The following NOTUM variants were observed in gnomAD, a reference collection of about 807,000 sequenced individuals.
NOTUM encodes palmitoleoyl-protein carboxylesterase NOTUM.
A neutral mutation model predicts 65.5 loss-of-function variants in NOTUM; 36 were observed. That is an observed-to-expected ratio of 0.55 (90% CI 0.42 to 0.73). The LOEUF (loss-of-function observed/expected upper bound fraction) is 0.73. Ranked by LOEUF, NOTUM falls within the 30% of genes least tolerant of loss-of-function variation. The pLI, the probability that NOTUM is intolerant of heterozygous loss-of-function variation, is 0.00. For missense variants in NOTUM, 659 were observed against 694.2 expected, an observed-to-expected ratio of 0.95 and a Z score of 0.57; for synonymous variants, 356 against 297.9, an observed-to-expected ratio of 1.20 and a Z score of -2.01.
intron 6 of NOTUM, among the ~76,000 whole-genome samples, chr17:81,957,601 C>T (rs911538837): frequency 2.0e-5 from 3 of 152,142 alleles, no homozygotes; most frequent in Admixed American, 1.3e-4. Flanking sequence ...GTCTGGTTAC[C>T]CAGCACTCTG....
chr17:81,957,849 T>C lies in NOTUM; in HGVS notation c.652A>G (p.Arg218Gly). ...IQEVVRELLG[R>G]GLSGAKVLLL... ...AGCACCTTGGCCCCGCTCAGCCCTC[T>C]GCCCAGAAGCTCCCGCACCACCTCC... The change falls in exon 6 of 11, where the codon AGA (arginine) becomes GGA (glycine). Residue 218 changes from arginine (R) to glycine (G), a missense_variant. Transcript: ENST00000409678. The C allele has an allele frequency of 1.2e-6, 2 of 1,609,484 alleles. No individual in the cohort carries two copies. The highest frequency in any genetic ancestry group is 2.2e-5 in the East Asian group (1 of 44,698).
At chr17:81,956,448 C>T (rs571148314) in intron 8 of NOTUM, among the ~76,000 whole-genome samples, 4 of 150,012 alleles carry the variant, frequency 2.7e-5, no homozygotes, top group Non-Finnish European at 3.0e-5. Flanking sequence ...GGCACACAGC[C>T]GGCCTCCTCC....
In NOTUM at chr17:81,952,919, G is replaced by C. The variant is rs200729493; in HGVS notation, c.*42C>G. The C allele has an allele frequency of 3.1e-5, 49 of 1,569,220 alleles. No individual in the cohort carries two copies. The African/African-American group carries it at 5.8e-4, about 19-fold the overall frequency. Reference sequence around the variant, plus strand: ...GTGAGGTGGCACTGGGGCAGCGGGTGTCTGGGCCCCTCAGTGCCGGCTCCT... The same window carrying C: ...GTGAGGTGGCACTGGGGCAGCGGGTCTCTGGGCCCCTCAGTGCCGGCTCCT... On this transcript the variant is annotated 3_prime_UTR_variant, in exon 11 of 11. Coordinates refer to ENST00000409678, the MANE Select transcript of NOTUM (RefSeq NM_178493.6).
chr17:81,954,909 G>A (rs937502357), intron 9 of NOTUM, among the ~76,000 whole-genome samples: 3 of 151,806 alleles, frequency 2.0e-5, no homozygotes, highest in African/African-American at 7.3e-5. Context: ...GAGCCAGTGT[G>A]CCAGGCCCAA....
chr17:81,953,035 C>T lies in NOTUM; in HGVS notation c.1417G>A (p.Asp473Asn), dbSNP rs113007375. Residue 473 changes from aspartate (D) to asparagine (N), a missense_variant, in exon 11 of 11, where the codon GAC becomes AAC. Transcript: ENST00000409678. ...TGCGGCTGGGCCACCGTCTGCATGT[C>T]GAAGCCCATGTGCATGAGGAACTGG... ...VAQFLMHMGF[D>N]MQTVAQPQGL... 1,055 of 1,614,040 alleles carry T rather than the reference C, an allele frequency of 6.5e-4. 9 individuals carry two copies. In the African/African-American group the frequency reaches 0.011, roughly 18 times the overall value.
intron 3 of NOTUM, 32 bp from the exon 4 acceptor site, chr17:81,959,027 C>G: frequency 1.9e-6 from 3 of 1,595,872 alleles, no homozygotes; most frequent in Non-Finnish European, 2.6e-6. Context: ...GTCTTTCTAG[C>G]GGGAGGAGGC....
chr17:81,955,447 C>T lies in NOTUM; in HGVS notation c.1086G>A (p.Leu362=). 1.2e-6 allele frequency: 2 copies of T among 1,602,452 alleles called. No individual in the cohort carries two copies. Among genetic ancestry groups the T allele is most frequent in the Non-Finnish European group, 1.7e-6 (2 of 1,175,448 alleles). ...TGQPVQEGLR[L]YIQNLGRELR... ...GCTCGCGGCCGAGGTTCTGGATGTA[C>T]AGCCGCAGGCCCTCCTGCACCGGCT... The change falls in exon 9 of 11, where the codon CTG becomes CTA. Residue 362 remains leucine, a synonymous_variant. Transcript: ENST00000409678.
chr17:81,957,785 G>A, intron 6 of NOTUM, 21 bp downstream of exon 6: 1 of 1,553,738 alleles, frequency 6.4e-7, no homozygotes, highest in Non-Finnish European at 8.8e-7. Context: ...CTCACCTCCA[G>A]CCCTGCCCCG....
At chr17:81,957,220 C>G in intron 6 of NOTUM, 146 bp from the exon 7 acceptor site, 1 of 685,960 alleles carries the variant, frequency 1.5e-6, no homozygotes, top group African/African-American at 1.8e-5. Flanking sequence ...TCTCTGTTCA[C>G]GTGCAAGACC....
At chr17:81,955,687 C>G (rs1180570491) in intron 8 of NOTUM, 143 bp from the exon 9 acceptor site, 2 of 660,410 alleles carry the variant, frequency 3.0e-6, no homozygotes, top group Non-Finnish European at 4.9e-6. Context: ...TGCAGTGCCC[C>G]CCACCCCAGG....
chr17:81,956,497 C>A lies in NOTUM; in HGVS notation c.988+153G>T, dbSNP rs548908086. ...GGCCTCCTCCCTGGTACACAGCCGG[C>A]CTCCTCCCTGGTACACAGCCGGACT... On this transcript the variant is annotated intron_variant, in intron 8 of 10. Transcript: ENST00000409678. Among the ~76,000 whole-genome samples the A allele has an allele frequency of 1.8e-3, 275 of 150,568 alleles. 1 individual carries two copies. The highest frequency in any genetic ancestry group is 3.9e-3 in the Admixed American group (60 of 15,212).
At chr17:81,956,520 A>C (rs762460775) in intron 8 of NOTUM, 130 bp downstream of exon 8, 19 of 655,046 alleles carry the variant, frequency 2.9e-5, no homozygotes, top group East Asian at 5.6e-5. Flanking sequence ...ACACAGCCGG[A>C]CTCCTCCCTG....
Position 81,952,651 on chromosome 17 carries a change from T to TG in NOTUM, c.*309dup, listed in dbSNP as rs2041395749. ...AAATAATATAAAAGGGCTTGATGGG[T>TG]GGGGCCGGTGGGTGCTGTCTGAGCT... On this transcript the variant is annotated 3_prime_UTR_variant, in exon 11 of 11. Transcript: ENST00000409678. The TG allele has an allele frequency of 2.5e-6, 1 of 406,186 alleles. No homozygotes were observed. The highest frequency in any genetic ancestry group is 6.3e-4 in the Middle Eastern group (1 of 1,600). The allele number at this position is 406,186 out of a possible 1,614,324, so 25.2% of individuals were successfully genotyped here.
Position 81,960,002 on chromosome 17 carries a change from G to A in NOTUM, c.324-310C>T, listed in dbSNP as rs918360245. ...CCCGGGGCGCGCGGCGGCGCTTGAA[G>A]CGTGAAACGCGTCCGCACTGAAGGA... On this transcript the variant is annotated intron_variant, in intron 1 of 10. Transcript: ENST00000409678. This position sits in a 1 kb window ranked among gnomAD's most constrained non-coding sequence, Gnocchi z 6.4. Among the ~76,000 whole-genome samples the A allele has an allele frequency of 3.3e-5, 5 of 151,910 alleles. No homozygotes were observed. Among genetic ancestry groups the A allele is most frequent in the African/African-American group, 1.2e-4 (5 of 41,416 alleles).
At chr17:81,955,585 G>T in intron 8 of NOTUM, 41 bp from the exon 9 acceptor site, 2 of 748,520 alleles carry the variant, frequency 2.7e-6, no homozygotes, top group Non-Finnish European at 4.2e-6. Flanking sequence ...CCTGACCCCC[G>T]CTGCTGCCCC....
rs1334760510 is a variant in NOTUM, at chr17:81,960,786, C to A, written c.124G>T (p.Ala42Ser). The part of the protein sequence containing the change: ...QPPPPPRTEA[A>S]PAAGQPVESF... ...TCCACGGGCTGTCCGGCCGCCGGCG[C>A]CGCCTCGGTCCGCGGGGGAGGAGGC... The change falls in exon 1 of 11, where the codon GCG becomes TCG. Residue 42 changes from alanine to serine, a missense_variant. Physicochemically the swap from Ala to Ser is moderately conservative, Grantham distance 99 (BLOSUM62 1). Transcript: ENST00000409678. The surrounding 1 kb of genome is among the most constrained non-coding windows in gnomAD (Gnocchi z 6.4). The A allele has an allele frequency of 1.3e-6, 2 of 1,558,252 alleles. No individual in the cohort carries two copies. The highest frequency in any genetic ancestry group is 8.7e-7 in the Non-Finnish European group (1 of 1,152,982).
chr17:81,961,032 C>G lies in NOTUM; in HGVS notation c.-123G>C. The stretch of plus-strand genomic sequence containing the variant: ...ACTGGCCGCTCCTGCTCCCTCGCCC[C>G]CGCTCCCGCCCGCCGGGCCTGGCGG... On this transcript the variant is annotated 5_prime_UTR_variant, in exon 1 of 11. Coordinates refer to ENST00000409678, the MANE Select transcript of NOTUM (RefSeq NM_178493.6). The G allele has an allele frequency of 6.0e-6, 2 of 330,922 alleles. No individual in the cohort carries two copies. The highest frequency in any genetic ancestry group is 9.2e-6 in the Non-Finnish European group (2 of 216,542). The allele number at this position is 330,922 out of a possible 1,614,324, so 20.5% of individuals were successfully genotyped here. A position where few individuals can be genotyped will look rare whatever the true frequency, so the allele number is the denominator to read the frequency against.
chr17:81,960,552 G>A lies in NOTUM; in HGVS notation c.323+35C>T. On this transcript the variant is annotated intron_variant, in intron 1 of 10. Transcript: ENST00000409678. The surrounding 1 kb of genome is among the most constrained non-coding windows in gnomAD (Gnocchi z 6.4). ...GGTCCAGCCGGAGACCGGGCGCGTC[G>A]GGCGGGGCGGGGAGGTGCAGGGCGC... 7.2e-7 allele frequency: 1 copy of A among 1,379,468 alleles called. No homozygotes were observed. The highest frequency in any genetic ancestry group is 1.5e-5 in the South Asian group (1 of 68,520). 85.5% of individuals were successfully genotyped at this position (1,379,468 alleles called of 1,614,324 possible).
chr17:81,956,894 G>A lies in NOTUM; in HGVS notation c.876C>T (p.Arg292=). ...CCCCGCTGCGGCACCTGATGCCACG[G>A]CGGATGGCCTCCGTGGGCGCGCACG... is the stretch of plus-strand genomic sequence containing the variant. ...TITCAPTEAI[R]RGIRYWNGVV... The change falls in exon 7 of 11, where the codon CGC becomes CGT. Residue 292 remains arginine (R), a synonymous_variant. Transcript: ENST00000409678. 1 of 1,610,238 alleles carries A rather than the reference G, an allele frequency of 6.2e-7. No individual in the cohort carries two copies. The highest frequency in any genetic ancestry group is 2.2e-5 in the East Asian group (1 of 44,854).
Sources: allele counts gnomAD v4.1 joint callset (sites outside exome capture counted in the v4.1 genomes callset), GRCh38; gene constraint gnomAD v4.1.1; non-coding constraint Gnocchi (gnomAD v3.1); transcripts MANE v1.5; gene names NCBI Gene and HGNC (gene_info 2026-07-23, HGNC 2026-07-21).